Variants in LRRC4C observed in about 807,000 individuals in gnomAD.
LRRC4C encodes leucine rich repeat containing 4C.
In LRRC4C, 5 loss-of-function variants were observed where a neutral mutation model predicts 33.6. The observed-to-expected ratio is 0.15, with a 90% CI of 0.08 to 0.31. The LOEUF (loss-of-function observed/expected upper bound fraction) is 0.31. LRRC4C is among the 10% of genes least tolerant of loss of function. The pLI, the probability that LRRC4C is intolerant of heterozygous loss-of-function variation, is 1.00. For missense variants in LRRC4C, 560 were observed against 796.7 expected (o/e 0.70, Z 3.58); for synonymous variants, 329 against 302.0 (o/e 1.09, Z -0.93).
At chr11:40,303,550 G>A (rs931537339) in intron 4 of LRRC4C, among the ~76,000 whole-genome samples, 5 of 152,100 alleles carry the variant, frequency 3.3e-5, no homozygotes, top group Non-Finnish European at 7.4e-5. Context: ...TTCCACTGGA[G>A]CTATATGAGA....
intron 3 of LRRC4C, among the ~76,000 whole-genome samples, chr11:40,421,406 A>G (rs1300886791): frequency 6.6e-6 from 1 of 152,160 alleles, no homozygotes; most frequent in African/African-American, 2.4e-5. Context: ...GGCCTTTGTA[A>G]TAGGGCCTCC....
chr11:40,566,613 A>T (rs1456618529), intron 3 of LRRC4C, among the ~76,000 whole-genome samples: 1 of 152,122 alleles, frequency 6.6e-6, no homozygotes, highest in African/African-American at 2.4e-5. Context: ...ATGGAACTAG[A>T]CAAGAAGAGC....
chr11:41,436,970 G>T (rs9300037), intron 1 of LRRC4C, among the ~76,000 whole-genome samples: 103,281 of 152,066 alleles, frequency 0.68, 36,104 homozygotes, highest in African/African-American at 0.83. Context: ...CTCTGATAAA[G>T]GAACAGATGA....
At chr11:40,587,547 T>G (rs1326309139) in intron 3 of LRRC4C, among the ~76,000 whole-genome samples, 1 of 141,494 alleles carries the variant, frequency 7.1e-6, no homozygotes, top group African/African-American at 2.7e-5. Context: ...CATCCCTGTC[T>G]TGTGCCAGTT....
chr11:40,980,177 C>G (rs1852411944), intron 1 of LRRC4C, among the ~76,000 whole-genome samples: 1 of 152,096 alleles, frequency 6.6e-6, no homozygotes, highest in Non-Finnish European at 1.5e-5. Flanking sequence ...CAGCAACCTT[C>G]CTAATATTGG....
chr11:40,458,678 C>A (rs1952247475), intron 3 of LRRC4C, among the ~76,000 whole-genome samples: 1 of 152,036 alleles, frequency 6.6e-6, no homozygotes, highest in African/African-American at 2.4e-5. Context: ...AACTTGTTTT[C>A]TTTTGTAGGC....
intron 2 of LRRC4C, among the ~76,000 whole-genome samples, chr11:40,757,599 G>GGT (rs372334760): frequency 7.0e-6 from 1 of 142,776 alleles, no homozygotes; most frequent in Admixed American, 7.0e-5. Flanking sequence ...CAAACTTTGA[G>GGT]TTTTTTTTTT....
intron 1 of LRRC4C, among the ~76,000 whole-genome samples, chr11:41,170,961 C>T (rs566278399): frequency 2.2e-4 from 34 of 152,196 alleles, no homozygotes; most frequent in African/African-American, 7.7e-4. Context: ...ACAGACACTT[C>T]TCAAAAGAAG....
intron 1 of LRRC4C, among the ~76,000 whole-genome samples, chr11:40,944,295 A>G (rs1958288995): frequency 6.6e-6 from 1 of 152,158 alleles, no homozygotes; most frequent in Non-Finnish European, 1.5e-5. Context: ...TGAGGATACG[A>G]TATTTTATCC....
At chr11:41,138,844 T>C (rs1027646109) in intron 1 of LRRC4C, among the ~76,000 whole-genome samples, 1 of 152,172 alleles carries the variant, frequency 6.6e-6, no homozygotes, top group African/African-American at 2.4e-5. Flanking sequence ...AAGAATACTA[T>C]TTCCCAAGGG....
At chr11:40,636,262 C>A (rs943216318) in intron 3 of LRRC4C, among the ~76,000 whole-genome samples, 3 of 152,076 alleles carry the variant, frequency 2.0e-5, no homozygotes, top group African/African-American at 7.2e-5. Flanking sequence ...ATTGTGGAAA[C>A]GGAGTACATG....
intron 1 of LRRC4C, among the ~76,000 whole-genome samples, chr11:40,945,174 C>T (rs369576969): frequency 7.4e-4 from 112 of 151,658 alleles, no homozygotes; most frequent in Middle Eastern, 3.4e-3. Flanking sequence ...GGACTACAGG[C>T]GCCCACCACC....
At chr11:41,107,355 T>G (rs1041424014) in intron 1 of LRRC4C, among the ~76,000 whole-genome samples, 1 of 152,098 alleles carries the variant, frequency 6.6e-6, no homozygotes, top group African/African-American at 2.4e-5. Context: ...AAAACAATAC[T>G]GTATTAGAGA....
At chr11:41,429,113 G>C (rs997054364) in intron 1 of LRRC4C, among the ~76,000 whole-genome samples, 1 of 152,136 alleles carries the variant, frequency 6.6e-6, no homozygotes, top group Non-Finnish European at 1.5e-5. Flanking sequence ...TCTCTTGATA[G>C]AGAATGAGTT....
chr11:41,151,445 G>A (rs973245469), intron 1 of LRRC4C, among the ~76,000 whole-genome samples: 1 of 152,178 alleles, frequency 6.6e-6, no homozygotes, highest in Non-Finnish European at 1.5e-5. Flanking sequence ...GTGGGGAAGG[G>A]AATAGAATAC....
At chr11:40,414,278 G>A (rs1018062555) in intron 3 of LRRC4C, among the ~76,000 whole-genome samples, 4 of 152,038 alleles carry the variant, frequency 2.6e-5, no homozygotes, top group African/African-American at 9.7e-5. Flanking sequence ...ACTTCTGCAA[G>A]GAAGGTCAGA....
chr11:40,532,603 AG>A (rs755587028), intron 3 of LRRC4C, among the ~76,000 whole-genome samples: 2 of 151,862 alleles, frequency 1.3e-5, no homozygotes, highest in Non-Finnish European at 2.9e-5. Context: ...GTGTCATGTA[AG>A]GGGTATAAGA....
At chr11:40,379,830 G>A (rs1022146972) in intron 3 of LRRC4C, among the ~76,000 whole-genome samples, 5 of 152,114 alleles carry the variant, frequency 3.3e-5, no homozygotes, top group Admixed American at 2.0e-4. Flanking sequence ...TTGTGGGCCC[G>A]CAGTATCAAC....
At chr11:40,543,946 T>C (rs1228059909) in intron 3 of LRRC4C, among the ~76,000 whole-genome samples, 2 of 152,084 alleles carry the variant, frequency 1.3e-5, no homozygotes, top group Non-Finnish European at 2.9e-5. Flanking sequence ...AATTTATCAC[T>C]GACAGCTAAA....
Sources: gnomAD v4.1 joint callset for allele counts (sites outside exome capture counted in the v4.1 genomes callset) on GRCh38, gnomAD v4.1.1 for gene constraint, MANE v1.5 for transcripts, NCBI Gene and HGNC (gene_info 2026-07-23, HGNC 2026-07-21) for gene names.